SOD1: variants seen among roughly 807,000 people sequenced by gnomAD.
SOD1 encodes the protein superoxide dismutase 1.
In SOD1, 8 loss-of-function variants were observed where a neutral mutation model predicts 15.9. The observed-to-expected ratio is 0.50, with a 90% CI of 0.30 to 0.91. The LOEUF (loss-of-function observed/expected upper bound fraction) is 0.91, where lower values mean the gene tolerates loss of function less well. Ranked by LOEUF, SOD1 falls within the 40% of genes least tolerant of loss-of-function variation. The pLI is 0.07. For missense variants in SOD1, 137 were observed against 194.5 expected (o/e 0.70, Z 1.76); for synonymous variants, 86 against 71.2 (o/e 1.21, Z -1.04).
intron 3 of SOD1, chr21:31,667,038 A>T: frequency 1.7e-6 from 1 of 592,684 alleles, no homozygotes; most frequent in Non-Finnish European, 3.0e-6. Flanking sequence ...AGTAACTGAG[A>T]GTTTACCCTT....
In SOD1 at chr21:31,659,718, G is replaced by T. The variant is rs894847258; in HGVS notation, c.-52G>T. 71 of 1,575,656 alleles carry T rather than the reference G, an allele frequency of 4.5e-5. No individual in the cohort carries two copies. The highest frequency in any genetic ancestry group is 5.4e-5 in the African/African-American group (4 of 74,198). ...GCGTCGTAGTCTCCTGCAGCGTCTGGGGTTTCCGTTGCAGTCCTCGGAACC... is the reference window on the plus strand; with the variant it reads ...GCGTCGTAGTCTCCTGCAGCGTCTGTGGTTTCCGTTGCAGTCCTCGGAACC... On this transcript the variant is annotated 5_prime_UTR_variant, in exon 1 of 5. Coordinates refer to ENST00000270142, the MANE Select transcript of SOD1 (RefSeq NM_000454.5).
intron 1 of SOD1, among the ~76,000 whole-genome samples, chr21:31,663,575 G>C (rs1226167662): frequency 2.0e-5 from 3 of 152,120 alleles, no homozygotes; most frequent in Admixed American, 6.5e-5. Context: ...TTGAGTGTGG[G>C]AACAAGATTA....
intron 1 of SOD1, 75 bp from the exon 2 acceptor site, chr21:31,663,715 C>G: frequency 8.5e-7 from 1 of 1,182,022 alleles, no homozygotes; most frequent in Non-Finnish European, 1.3e-6. Context: ...CTTTTTACTT[C>G]ACTGTGAGGG....
chr21:31,668,104 T>C (rs958145779), intron 4 of SOD1, among the ~76,000 whole-genome samples: 6 of 152,208 alleles, frequency 3.9e-5, no homozygotes, highest in Non-Finnish European at 7.3e-5. Flanking sequence ...ACTTTCACTT[T>C]CCTTTTTTTC....
Position 31,659,724 on chromosome 21 carries a change from C to CCGTTGCAGTCCTCG in SOD1, c.-45_-32dup, listed in dbSNP as rs1568807202. 1.3e-6 allele frequency: 2 copies of CCGTTGCAGTCCTCG among 1,598,200 alleles called. No individual in the cohort carries two copies. Among genetic ancestry groups the CCGTTGCAGTCCTCG allele is most frequent in the Non-Finnish European group, 1.7e-6 (2 of 1,165,846 alleles). Reference sequence around the variant, plus strand: ...TAGTCTCCTGCAGCGTCTGGGGTTTCCGTTGCAGTCCTCGGAACCAGGACC... The same window carrying CCGTTGCAGTCCTCG: ...TAGTCTCCTGCAGCGTCTGGGGTTTCCGTTGCAGTCCTCGCGTTGCAGTCCTCGGAACCAGGACC... On this transcript the variant is annotated 5_prime_UTR_variant, in exon 1 of 5. Coordinates refer to ENST00000270142, the MANE Select transcript of SOD1 (RefSeq NM_000454.5).
chr21:31,659,974 C>T lies in SOD1; in HGVS notation c.72+133C>T, dbSNP rs17881180. ...TCCAGCGCCCGGTCCCGGCCCGTGC[C>T]GCCCGGTCGGTGCCTTCGCCCCCAG... On this transcript the variant is annotated intron_variant, in intron 1 of 4. Transcript: ENST00000270142. The T allele has an allele frequency of 0.047, 38,792 of 816,744 alleles. 1,176 individuals are homozygous for T. The highest frequency in any genetic ancestry group is 0.056 in the Non-Finnish European group (30,076 of 535,008). 50.6% of individuals were successfully genotyped at this position (816,744 alleles called of 1,614,324 possible).
chr21:31,667,155 T>G (rs2049600741), intron 3 of SOD1, 103 bp from the exon 4 acceptor site: 3 of 830,108 alleles, frequency 3.6e-6, no homozygotes, highest in Non-Finnish European at 6.2e-6. Context: ...AGCTACTTGT[T>G]TGCAAATTTG....
At chr21:31,668,036 G>A (rs773366704) in intron 4 of SOD1, among the ~76,000 whole-genome samples, 2 of 151,968 alleles carry the variant, frequency 1.3e-5, no homozygotes, top group Non-Finnish European at 2.9e-5. Flanking sequence ...GATTTTTTAG[G>A]ATTATACCTT....
chr21:31,667,596 A>G (rs2049607404), intron 4 of SOD1, among the ~76,000 whole-genome samples: 1 of 152,230 alleles, frequency 6.6e-6, no homozygotes, highest in African/African-American at 2.4e-5. Flanking sequence ...AAAGCAGGTT[A>G]CATTTGACCA....
At chr21:31,661,160 G>T (rs553812447) in intron 1 of SOD1, among the ~76,000 whole-genome samples, 3 of 152,294 alleles carry the variant, frequency 2.0e-5, no homozygotes, top group Admixed American at 2.0e-4. Flanking sequence ...CTTTAAAGGG[G>T]TTTACAGAAA....
chr21:31,659,932 C>G, intron 1 of SOD1, 91 bp downstream of exon 1: 1 of 1,332,984 alleles, frequency 7.5e-7, no homozygotes, highest in Non-Finnish European at 1.1e-6. Context: ...GCCCGCCAGG[C>G]CTCGGGGCCG....
At chr21:31,665,694 G>A (rs1646559824) in intron 2 of SOD1, among the ~76,000 whole-genome samples, 1 of 152,190 alleles carries the variant, frequency 6.6e-6, no homozygotes, top group Admixed American at 6.5e-5. Context: ...GTTGTGTAAG[G>A]CAGCAGCCTT....
At chr21:31,660,177 TG>T (rs1363162297) in intron 1 of SOD1, 1 of 154,414 alleles carries the variant, frequency 6.5e-6, no homozygotes, top group Non-Finnish European at 1.4e-5. Flanking sequence ...GCCGCGGGTC[TG>T]TCGTGGTGCC....
intron 2 of SOD1, 48 bp downstream of exon 2, chr21:31,663,934 G>C (rs765836386): frequency 2.2e-6 from 3 of 1,394,078 alleles, no homozygotes; most frequent in Non-Finnish European, 3.1e-6. Flanking sequence ...ACCCTAGTTA[G>C]ATAAACAGTA....
intron 3 of SOD1, 190 bp downstream of exon 3, chr21:31,666,708 A>G: frequency 3.1e-6 from 2 of 637,340 alleles, no homozygotes; most frequent in East Asian, 2.8e-5. Flanking sequence ...GGAATTGACA[A>G]ATGGGGACAC....
At chr21:31,667,079 CT>C (rs2049600070) in intron 3 of SOD1, 178 bp from the exon 4 acceptor site, 1 of 643,554 alleles carries the variant, frequency 1.6e-6, no homozygotes, top group Non-Finnish European at 2.8e-6. Context: ...GCAGCCCCAT[CT>C]TTCTTCCCAG....
chr21:31,667,083 C>A, intron 3 of SOD1, 175 bp from the exon 4 acceptor site: 2 of 646,402 alleles, frequency 3.1e-6, no homozygotes, highest in Non-Finnish European at 5.6e-6. Flanking sequence ...CCCCATCTTT[C>A]TTCCCAGAGC....
chr21:31,664,033 G>A (rs554122649), intron 2 of SOD1, 147 bp downstream of exon 2: 34 of 669,596 alleles, frequency 5.1e-5, no homozygotes, highest in Non-Finnish European at 7.1e-5. Flanking sequence ...GTGCAGTGGC[G>A]CTGTGCGATC....
At chr21:31,659,946 TG>T in intron 1 of SOD1, 105 bp downstream of exon 1, 1 of 1,158,834 alleles carries the variant, frequency 8.6e-7, no homozygotes, top group South Asian at 1.3e-5. Context: ...GGGGCCGCCC[TG>T]GTCCAGCGCC....
Sources: allele counts gnomAD v4.1 joint callset (sites outside exome capture counted in the v4.1 genomes callset), GRCh38; gene constraint gnomAD v4.1.1; transcripts MANE v1.5; gene names NCBI Gene and HGNC (gene_info 2026-07-23, HGNC 2026-07-21).